IL18BP: variants seen among roughly 807,000 people sequenced by gnomAD.
The protein encoded by IL18BP is interleukin-18-binding protein.
In IL18BP, 23 loss-of-function variants were observed where a neutral mutation model predicts 19.9. That is an observed-to-expected ratio of 1.15 (90% CI 0.83 to 1.64). IL18BP has a LOEUF of 1.64. IL18BP is among the 40% of genes most tolerant of loss of function. The pLI is 0.00. For synonymous variants in IL18BP, 107 were observed against 101.0 expected, an observed-to-expected ratio of 1.06 and a Z score of -0.35; for missense variants, 239 against 240.7, an observed-to-expected ratio of 0.99 and a Z score of 0.05.
In IL18BP at chr11:72,000,065, AG is replaced by A. The variant is rs1955129942; in HGVS notation, c.28+54del. Reference sequence around the variant, plus strand: ...GCGGGGTAGGGTGAGGTCTATGAACAGAATGGAGCAATGGGCTAACCCGGAG... The same window carrying A: ...GCGGGGTAGGGTGAGGTCTATGAACAAATGGAGCAATGGGCTAACCCGGAG... On this transcript the variant is annotated intron_variant, in intron 2 of 5. Coordinates refer to ENST00000393703, the MANE Select transcript of IL18BP (RefSeq NM_001039660.2). 3 of 1,595,286 alleles carry A rather than the reference AG, an allele frequency of 1.9e-6. No homozygotes were observed. The South Asian group carries it at 3.3e-5, about 18-fold the overall frequency.
At chr11:72,004,130 C>G, downstream of IL18BP, 1 of 1,612,008 alleles carries the variant, frequency 6.2e-7, no homozygotes, top group Non-Finnish European at 8.5e-7. Flanking sequence ...ACCGGGAGAC[C>G]CAATGCTGCC....
chr11:72,002,719 GGA>G lies in IL18BP; in HGVS notation c.*862_*863del, dbSNP rs755106939. 7.8e-5 allele frequency: 14 copies of G among 178,446 alleles called. No homozygotes were observed. Among genetic ancestry groups the G allele is most frequent in the Non-Finnish European group, 1.6e-4 (13 of 83,006 alleles). 11.1% of individuals were successfully genotyped at this position (178,446 alleles called of 1,614,324 possible). A position where few individuals can be genotyped will look rare whatever the true frequency, so the allele number is the denominator to read the frequency against. On this transcript the variant is annotated 3_prime_UTR_variant, in exon 6 of 6. Coordinates refer to ENST00000393703, the MANE Select transcript of IL18BP (RefSeq NM_001039660.2). ...CTCCCCGGGAGCAGAGGCCACTAAT[GGA>G]GAGTGGGAAGAGCCTGGAAAGATGT...
chr11:72,003,386 CG>C (rs1955393622), downstream of IL18BP: 2 of 817,370 alleles, frequency 2.4e-6, no homozygotes, highest in Non-Finnish European at 4.2e-6. Context: ...GGCCAGGGTG[CG>C]GGCAGGCATC....
downstream of IL18BP, chr11:72,003,933 G>A: frequency 1.2e-6 from 2 of 1,613,372 alleles, no homozygotes; most frequent in Non-Finnish European, 8.5e-7. Context: ...AGCAGTGGCG[G>A]CGCTGGCTGT....
rs944260964 is a variant in IL18BP at position 72,001,265 on chromosome 11, G to C, written c.300G>C (p.Trp100Cys). Reference sequence around the variant, plus strand: ...TCCCCAACTTCAGCATCCTCTACTGGCTGGGCAATGGTTCCTTCATTGAGC... The same window carrying C: ...TCCCCAACTTCAGCATCCTCTACTGCCTGGGCAATGGTTCCTTCATTGAGC... ...SRFPNFSILY[W>C]LGNGSFIEHL... The change falls in exon 4 of 6, where the codon TGG (tryptophan) becomes TGC (cysteine). Residue 100 changes from tryptophan (W) to cysteine (C), a missense_variant. Transcript: ENST00000393703. 1 of 1,614,094 alleles carries C rather than the reference G, an allele frequency of 6.2e-7. No individual in the cohort carries two copies. The highest frequency in any genetic ancestry group is 1.7e-5 in the Admixed American group (1 of 60,010).
At chr11:72,005,194 C>T (rs1390054918), downstream of IL18BP, 4 of 1,533,396 alleles carry the variant, frequency 2.6e-6, no homozygotes, top group Non-Finnish European at 3.5e-6. Context: ...CAAGGGAGGG[C>T]AGGGATGGGA....
At chr11:72,008,088 C>G (rs964689804), downstream of IL18BP, 1 of 477,774 alleles carries the variant, frequency 2.1e-6, no homozygotes, top group African/African-American at 2.0e-5. Flanking sequence ...CAGAATAAAC[C>G]TACCTCAGAG....
At chr11:72,003,439 G>C, downstream of IL18BP, 5 of 1,322,140 alleles carry the variant, frequency 3.8e-6, no homozygotes, top group Non-Finnish European at 4.4e-6. Flanking sequence ...TGGGAGCTGA[G>C]AGAAGGCACT....
downstream of IL18BP, chr11:72,003,713 T>C: frequency 6.1e-6 from 6 of 976,532 alleles, no homozygotes; most frequent in South Asian, 1.4e-5. Flanking sequence ...TCCATGAGAA[T>C]GGGGCCATCT....
At chr11:72,000,049 G>GGTGA (rs746845122) in intron 2 of IL18BP, 37 bp downstream of exon 2, 2 of 1,611,966 alleles carry the variant, frequency 1.2e-6, no homozygotes, top group African/African-American at 1.3e-5. Context: ...GGCGGGGTAG[G>GGTGA]GTGAGGTCTA....
At chr11:72,007,755 C>A, downstream of IL18BP, 1 of 410,980 alleles carries the variant, frequency 2.4e-6, no homozygotes, top group Non-Finnish European at 4.5e-6. Context: ...CCTGCATCTC[C>A]CATTTCAGTG....
intron 1 of IL18BP, chr11:71,999,265 G>A: frequency 2.4e-6 from 1 of 424,788 alleles, no homozygotes; most frequent in South Asian, 1.7e-5. Flanking sequence ...TCAGTGTGAA[G>A]GTGAAGGAGG....
At chr11:72,005,572 G>T, downstream of IL18BP, 1 of 560,426 alleles carries the variant, frequency 1.8e-6, no homozygotes. Context: ...TCTCCCTGGA[G>T]AGGGCAGAAG....
At chr11:72,005,131 CCAGT>C (rs1955600228), downstream of IL18BP, 27 of 1,320,016 alleles carry the variant, frequency 2.0e-5, no homozygotes, top group South Asian at 3.9e-4. Context: ...CCCTCCTCGG[CCAGT>C]CAGTGATCCA....
At chr11:72,006,356 C>T (rs1955698552), downstream of IL18BP, 1 of 1,052,628 alleles carries the variant, frequency 9.5e-7, no homozygotes, top group Non-Finnish European at 1.4e-6. Flanking sequence ...TCCCACGGCA[C>T]ATCCATGTAT....
chr11:72,001,116 G>C (rs1483234682), intron 3 of IL18BP, 85 bp from the exon 4 acceptor site: 2 of 1,545,722 alleles, frequency 1.3e-6, no homozygotes, highest in South Asian at 2.3e-5. Flanking sequence ...TGGGGACTGG[G>C]GGGAGCTGGC....
At position 72,001,844 on chromosome 11, in the gene IL18BP, C is replaced by A; in HGVS notation, c.568C>A (p.Pro190Thr). Reference protein sequence around the residue: ...QEALPSSHSSPQQQG With the variant: ...QEALPSSHSSTQQQG ...AGCCCTGCCCTCCAGCCACAGCAGT[C>A]CACAGCAGCAGGGTTAAGACTCAGC... Residue 190 changes from proline (P) to threonine (T), a missense_variant, in exon 6 of 6, where the codon CCA (proline) becomes ACA (threonine). By Grantham distance (38) the Pro-to-Thr change is conservative. Coordinates refer to ENST00000393703, the MANE Select transcript of IL18BP (RefSeq NM_001039660.2). The A allele has an allele frequency of 6.2e-7, 1 of 1,614,168 alleles. No homozygotes were observed. The highest frequency in any genetic ancestry group is 8.5e-7 in the Non-Finnish European group (1 of 1,180,018).
chr11:72,007,223 C>T (rs769008478), downstream of IL18BP: 19 of 1,611,722 alleles, frequency 1.2e-5, no homozygotes, highest in Admixed American at 1.2e-4. Flanking sequence ...CTGCGTGGTG[C>T]GCCGACGAGC....
intron 5 of IL18BP, 50 bp from the exon 6 acceptor site, chr11:72,001,734 G>A (rs763517069): frequency 6.2e-7 from 1 of 1,613,708 alleles, no homozygotes; most frequent in Admixed American, 1.7e-5. Flanking sequence ...AAAGTGATGA[G>A]ATGTCCCTCC....
Sources: allele counts gnomAD v4.1 joint callset, GRCh38; gene constraint gnomAD v4.1.1; transcripts MANE v1.5; gene names NCBI Gene and HGNC (gene_info 2026-07-23, HGNC 2026-07-21).